RGS6: variants seen among roughly 807,000 people sequenced by gnomAD.
The protein encoded by RGS6 is regulator of G-protein signaling 6.
In RGS6, 30 loss-of-function variants were observed where a neutral mutation model predicts 78.5. The observed-to-expected ratio is 0.38, with a 90% CI of 0.29 to 0.52. RGS6 has a LOEUF of 0.52. RGS6 is among the 20% of genes least tolerant of loss of function. RGS6 has a pLI of 0.85. For missense variants in RGS6, 495 were observed against 609.7 expected (o/e 0.81, Z 1.98); for synonymous variants, 206 against 206.0 (o/e 1.00, Z 0.00).
chr14:71,922,633 A>G, the RGS6 span, among the ~76,000 whole-genome samples: 2 of 152,226 alleles, frequency 1.3e-5, no homozygotes, highest in African/African-American at 4.8e-5. Context: ...TAGTTTTTCT[A>G]CTAATGCCAT....
At chr14:72,426,238 T>C (rs1308406498) in intron 3 of RGS6, among the ~76,000 whole-genome samples, 1 of 152,182 alleles carries the variant, frequency 6.6e-6, no homozygotes, top group Non-Finnish European at 1.5e-5. Context: ...GCAGAGCAGG[T>C]GGCGTTATTC....
intron 1 of RGS6, among the ~76,000 whole-genome samples, chr14:71,962,767 A>G (rs1165153209): frequency 6.6e-6 from 1 of 152,156 alleles, no homozygotes; most frequent in East Asian, 1.9e-4. Context: ...CGAATGGGAT[A>G]TTTTCGGCAA....
At chr14:72,486,322 A>G (rs1468619681) in intron 12 of RGS6, among the ~76,000 whole-genome samples, 1 of 152,208 alleles carries the variant, frequency 6.6e-6, no homozygotes, top group Non-Finnish European at 1.5e-5. Flanking sequence ...AAGCTGGGGA[A>G]AGAAGATATG....
intron 3 of RGS6, among the ~76,000 whole-genome samples, chr14:72,370,917 C>T (rs2083394760): frequency 6.6e-6 from 1 of 152,108 alleles, no homozygotes; most frequent in Non-Finnish European, 1.5e-5. Flanking sequence ...GAGGGAAATG[C>T]CAATTGTGGT....
At chr14:72,204,389 A>G (rs1333057655) in intron 2 of RGS6, among the ~76,000 whole-genome samples, 1 of 152,162 alleles carries the variant, frequency 6.6e-6, no homozygotes, top group Non-Finnish European at 1.5e-5. Context: ...GACATCCTAG[A>G]AGGCAGTCCC....
intron 2 of RGS6, among the ~76,000 whole-genome samples, chr14:72,054,464 A>G (rs2093509495): frequency 6.6e-6 from 1 of 152,164 alleles, no homozygotes; most frequent in Non-Finnish European, 1.5e-5. Flanking sequence ...CATACTAAGT[A>G]TTTGACTTTA....
chr14:72,186,271 A>T (rs2097244846), intron 2 of RGS6, among the ~76,000 whole-genome samples: 1 of 152,154 alleles, frequency 6.6e-6, no homozygotes, highest in African/African-American at 2.4e-5. Flanking sequence ...ATCCTGACCT[A>T]TGTTATTTCT....
chr14:72,147,660 GA>G (rs1172166829), intron 2 of RGS6, among the ~76,000 whole-genome samples: 1 of 152,188 alleles, frequency 6.6e-6, no homozygotes, highest in Admixed American at 6.5e-5. Context: ...TTATATTGCA[GA>G]TACAGACAGC....
chr14:72,383,189 T>C (rs1421198857), intron 3 of RGS6, among the ~76,000 whole-genome samples: 2 of 104,850 alleles, frequency 1.9e-5, no homozygotes, highest in African/African-American at 3.9e-5. Flanking sequence ...TATATATATA[T>C]ATATATATAT....
intron 2 of RGS6, among the ~76,000 whole-genome samples, chr14:72,276,211 T>G (rs1595157176): frequency 6.6e-6 from 1 of 152,174 alleles, no homozygotes; most frequent in Non-Finnish European, 1.5e-5. Flanking sequence ...AAATTATACC[T>G]TACTCCCATA....
chr14:72,247,903 A>G (rs1468781747), intron 2 of RGS6, among the ~76,000 whole-genome samples: 2 of 152,210 alleles, frequency 1.3e-5, no homozygotes, highest in Non-Finnish European at 2.9e-5. Context: ...AGCCTCCAGA[A>G]CTATAAGAAA....
intron 6 of RGS6, among the ~76,000 whole-genome samples, chr14:72,464,281 A>ACT (rs910132690): frequency 4.6e-5 from 7 of 152,012 alleles, no homozygotes; most frequent in Non-Finnish European, 8.8e-5. Flanking sequence ...TAGAAGCAAC[A>ACT]CTCTCTCTCT....
chr14:72,417,869 A>G (rs2093936171), intron 3 of RGS6, among the ~76,000 whole-genome samples: 1 of 152,184 alleles, frequency 6.6e-6, no homozygotes, highest in Non-Finnish European at 1.5e-5. Context: ...AAGCAACTGG[A>G]CCACATAATT....
intron 2 of RGS6, among the ~76,000 whole-genome samples, chr14:72,218,570 C>T (rs982217552): frequency 6.6e-6 from 1 of 152,036 alleles, no homozygotes; most frequent in African/African-American, 2.4e-5. Context: ...CCCATCAATA[C>T]ATAACCTTGT....
chr14:72,093,597 G>T (rs1172878580), intron 2 of RGS6, among the ~76,000 whole-genome samples: 1 of 152,058 alleles, frequency 6.6e-6, no homozygotes, highest in Non-Finnish European at 1.5e-5. Flanking sequence ...TCTACAGTTT[G>T]CTTTTTTCCC....
At chr14:72,541,533 G>A (rs763682297) in intron 17 of RGS6, 101 of 1,535,570 alleles carry the variant, frequency 6.6e-5, no homozygotes, top group South Asian at 3.4e-4. Flanking sequence ...GCCAATGGCC[G>A]TGTGGCTCCG....
chr14:71,972,726 A>T (rs1028935965), intron 2 of RGS6, among the ~76,000 whole-genome samples: 1 of 152,172 alleles, frequency 6.6e-6, no homozygotes, highest in Non-Finnish European at 1.5e-5. Flanking sequence ...ACAGGAATCC[A>T]GGTGAGGAAA....
intron 2 of RGS6, among the ~76,000 whole-genome samples, chr14:72,142,159 A>G (rs931642795): frequency 6.6e-6 from 1 of 152,208 alleles, no homozygotes; most frequent in African/African-American, 2.4e-5. Context: ...AGACTAAAGT[A>G]TATGTTCCTC....
intron 2 of RGS6, among the ~76,000 whole-genome samples, chr14:72,141,935 G>A (rs1301898060): frequency 6.6e-6 from 1 of 151,044 alleles, no homozygotes. Flanking sequence ...AACCGTGCTG[G>A]ATTCTTGATA....
Sources: gnomAD v4.1 joint callset for allele counts (sites outside exome capture counted in the v4.1 genomes callset) on GRCh38, gnomAD v4.1.1 for gene constraint, MANE v1.5 for transcripts, NCBI Gene and HGNC (gene_info 2026-07-23, HGNC 2026-07-21) for gene names.